GUCD1: variants seen among roughly 807,000 people sequenced by gnomAD.
GUCD1 encodes the protein guanylyl cyclase domain containing 1.
In GUCD1, 17 loss-of-function variants were observed where a neutral mutation model predicts 28.3. The ratio of observed to expected loss-of-function variants is 0.60; its 90% CI spans 0.41 to 0.90. The LOEUF (loss-of-function observed/expected upper bound fraction) is 0.90. Ranked by LOEUF, GUCD1 falls within the 40% of genes least tolerant of loss-of-function variation. GUCD1 has a pLI of 0.00. For synonymous variants in GUCD1, 129 were observed against 123.3 expected, an observed-to-expected ratio of 1.05 and a Z score of -0.30; for missense variants, 279 against 305.5, an observed-to-expected ratio of 0.91 and a Z score of 0.65.
At chr22:24,549,090 TAG>T (rs1200913269) in intron 1 of GUCD1, 89 bp from the exon 2 acceptor site, 63 of 892,226 alleles carry the variant, frequency 7.1e-5, no homozygotes, top group Middle Eastern at 3.1e-4. Context: ...GCCTCCTGCC[TAG>T]ACCCTGCAGG....
intron 1 of GUCD1, among the ~76,000 whole-genome samples, chr22:24,552,769 C>CA (rs765067330): frequency 0.02 from 2,173 of 110,792 alleles, 55 homozygotes; most frequent in African/African-American, 0.061. Context: ...GACTCCATCT[C>CA]AAAAAAAAAA....
In GUCD1 at chr22:24,548,076, G is replaced by C; in HGVS notation, c.129-3C>G. The C allele has an allele frequency of 6.2e-7, 1 of 1,613,334 alleles. No homozygotes were observed. The highest frequency in any genetic ancestry group is 8.5e-7 in the Non-Finnish European group (1 of 1,179,634). On this transcript the variant is annotated splice_region_variant and splice_polypyrimidine_tract_variant and intron_variant, in intron 2 of 5. Coordinates refer to ENST00000435822, the MANE Select transcript of GUCD1 (RefSeq NM_001284254.2). ...TGTCGTCCAGCTGGCCCAGGTACCT[G>C]CAGGTAGACGAGCTGGGGAGCTCAG... is the stretch of plus-strand genomic sequence containing the variant.
At chr22:24,555,576 C>G (rs1273949913), upstream of GUCD1, 1 of 1,545,488 alleles carries the variant, frequency 6.5e-7, no homozygotes, top group African/African-American at 1.4e-5. Flanking sequence ...CTAACTTTAT[C>G]CGTACCAGAT....
chr22:24,554,899 G>A (rs1375911240), intron 1 of GUCD1, 50 bp downstream of exon 1: 2 of 1,423,616 alleles, frequency 1.4e-6, no homozygotes, highest in South Asian at 2.3e-5. Context: ...GCTAGGGAGG[G>A]GTCCCTTTCG....
rs186763911 is a variant in GUCD1, at chr22:24,541,943, C to T, written c.*1063G>A. 6.6e-6 allele frequency: 1 copy of T among 152,398 alleles called. No homozygotes were observed. Among genetic ancestry groups the T allele is most frequent in the Admixed American group, 6.5e-5 (1 of 15,306 alleles). The allele number at this position is 152,398 out of a possible 1,614,324, so 9.4% of individuals were successfully genotyped here. A position where few individuals can be genotyped will look rare whatever the true frequency, so the allele number is the denominator to read the frequency against. On this transcript the variant is annotated 3_prime_UTR_variant, in exon 6 of 6. Transcript: ENST00000435822. ...AACTTAAATCTCAAAGAAACAACCC[C>T]TGACCCCAACCTCCCCAAAAAAGAG...
Position 24,546,897 on chromosome 22 carries a change from A to C in GUCD1, c.386+17T>G. 1 of 1,610,024 alleles carries C rather than the reference A, an allele frequency of 6.2e-7. No homozygotes were observed. ...AGGCATGAGAGGAAGGGCAGGTAGG[A>C]AAGTTGGGGGGCTCACCATTTCTCC... On this transcript the variant is annotated intron_variant, in intron 4 of 5. Transcript: ENST00000435822.
rs1259463325 is a variant in GUCD1, at chr22:24,555,129, G to A, written c.-138C>T. On this transcript the variant is annotated 5_prime_UTR_variant, in exon 1 of 6. Transcript: ENST00000435822. ...CGCCGCTGCGGAGGAGAGAACGGGA[G>A]GCGGCGGCTGGGCCGCCCCAAGCGC... The A allele has an allele frequency of 3.8e-6, 5 of 1,304,296 alleles. No individual in the cohort carries two copies. Among genetic ancestry groups the A allele is most frequent in the Middle Eastern group, 2.9e-4 (1 of 3,428 alleles). 80.8% of individuals were successfully genotyped at this position (1,304,296 alleles called of 1,614,324 possible).
At chr22:24,543,339 C>T (rs1259370326) in intron 5 of GUCD1, among the ~76,000 whole-genome samples, 3 of 152,182 alleles carry the variant, frequency 2.0e-5, no homozygotes, top group Non-Finnish European at 4.4e-5. Flanking sequence ...AAACGTGCTC[C>T]AGGCCACATA....
At chr22:24,552,695 G>A (rs1304898662) in intron 1 of GUCD1, among the ~76,000 whole-genome samples, 1 of 151,934 alleles carries the variant, frequency 6.6e-6, no homozygotes, top group Non-Finnish European at 1.5e-5. Flanking sequence ...GCTTGAACCT[G>A]GGAGGCGGAG....
In GUCD1 at chr22:24,543,092, A is replaced by G; in HGVS notation, c.634T>C (p.Cys212Arg). 6.2e-7 allele frequency: 1 copy of G among 1,613,554 alleles called. No individual in the cohort carries two copies. Among genetic ancestry groups the G allele is most frequent in the Non-Finnish European group, 8.5e-7 (1 of 1,179,536 alleles). The change falls in exon 6 of 6, where the codon TGC (cysteine) becomes CGC (arginine). Residue 212 changes from cysteine to arginine, a missense_variant. Coordinates refer to ENST00000435822, the MANE Select transcript of GUCD1 (RefSeq NM_001284254.2). Reference sequence around the variant, plus strand: ...TCAAAGTTACTGATGCTGGTGCTGCACATTCCTGCTGGGGGTGGGGAAGGC... The same window carrying G: ...TCAAAGTTACTGATGCTGGTGCTGCGCATTCCTGCTGGGGGTGGGGAAGGC... ...YNNPAYADRM[C>R]STSISNFEEA...
intron 1 of GUCD1, among the ~76,000 whole-genome samples, chr22:24,554,110 C>T (rs1329140538): frequency 6.6e-6 from 1 of 152,200 alleles, no homozygotes; most frequent in Non-Finnish European, 1.5e-5. Flanking sequence ...TTCACTGGTT[C>T]GTTATGAGGA....
chr22:24,555,439 G>T (rs943105543), upstream of GUCD1: 2 of 1,153,938 alleles, frequency 1.7e-6, no homozygotes, highest in Non-Finnish European at 2.4e-6. Flanking sequence ...CCTCTGCCGG[G>T]TCCCGCTCTT....
intron 3 of GUCD1, 140 bp from the exon 4 acceptor site, chr22:24,547,145 A>C: frequency 1.5e-6 from 1 of 668,052 alleles, no homozygotes; most frequent in Admixed American, 2.2e-5. Context: ...CAGACGGTAC[A>C]TGCAGCAAGC....
Position 24,547,980 on chromosome 22 carries a change from CA to C in GUCD1, c.221del (p.Leu74ArgfsTer7). On this transcript the variant is annotated frameshift_variant, in exon 3 of 6. Transcript: ENST00000435822. LOFTEE classifies it high-confidence loss of function. ...RSIWTIDLAY[L>X]MHHFGVRHRF... Reference sequence around the variant, plus strand: ...GGTGCCTCACGCCAAAGTGGTGCATCAGGTAGGCCAGGTCGATGGTCCAGAT... The same window carrying C: ...GGTGCCTCACGCCAAAGTGGTGCATCGGTAGGCCAGGTCGATGGTCCAGAT... The C allele has an allele frequency of 6.2e-7, 1 of 1,614,196 alleles. No homozygotes were observed. The highest frequency in any genetic ancestry group is 1.1e-5 in the South Asian group (1 of 91,092).
At position 24,543,869 on chromosome 22, in the gene GUCD1, A is replaced by AG; in HGVS notation, c.600dup (p.Phe201LeufsTer18). ...TCGGCATAGGCTGGGTTGTTGTAGAAGATGCAGCCAGTGGCCCGGTTGTAG... is the reference window on the plus strand; with the variant it reads ...TCGGCATAGGCTGGGTTGTTGTAGAAGGATGCAGCCAGTGGCCCGGTTGTAG... On this transcript the variant is annotated frameshift_variant, in exon 5 of 6. Coordinates refer to ENST00000435822, the MANE Select transcript of GUCD1 (RefSeq NM_001284254.2). LOFTEE classifies it high-confidence loss of function. 1 of 1,613,986 alleles carries AG rather than the reference A, an allele frequency of 6.2e-7. No individual in the cohort carries two copies. Among genetic ancestry groups the AG allele is most frequent in the Non-Finnish European group, 8.5e-7 (1 of 1,179,952 alleles).
intron 1 of GUCD1, among the ~76,000 whole-genome samples, chr22:24,550,415 G>A (rs1477723549): frequency 6.6e-6 from 1 of 152,212 alleles, no homozygotes; most frequent in African/African-American, 2.4e-5. Context: ...GCCCTGAGGT[G>A]GGGCAAATGG....
chr22:24,555,261 C>T (rs1569021030), upstream of GUCD1: 1 of 1,357,760 alleles, frequency 7.4e-7, no homozygotes, highest in South Asian at 2.0e-5. Flanking sequence ...AAGTCTGCTC[C>T]GGCCATTCGC....
intron 1 of GUCD1, among the ~76,000 whole-genome samples, chr22:24,553,499 G>A (rs2044938532): frequency 1.3e-5 from 2 of 152,294 alleles, no homozygotes; most frequent in South Asian, 2.1e-4. Context: ...AATGGAAGGC[G>A]TTTTCCAAAA....
In GUCD1 at chr22:24,547,944, G is replaced by C. The variant is rs781374465; in HGVS notation, c.258C>G (p.Thr86=). 1.2e-6 allele frequency: 2 copies of C among 1,614,186 alleles called. No individual in the cohort carries two copies. The highest frequency in any genetic ancestry group is 2.2e-5 in the South Asian group (2 of 91,090). Reference sequence around the variant, plus strand: ...AGCCCTTGTCGACACCCAGGGTCTGGGTACAGAAGCGGTGCCTCACGCCAA... The same window carrying C: ...AGCCCTTGTCGACACCCAGGGTCTGCGTACAGAAGCGGTGCCTCACGCCAA... ...HHFGVRHRFC[T]QTLGVDKGYK... The change falls in exon 3 of 6, where the codon ACC becomes ACG. Residue 86 remains threonine, a synonymous_variant. Transcript: ENST00000435822.
Sources: allele counts gnomAD v4.1 joint callset (sites outside exome capture counted in the v4.1 genomes callset), GRCh38; gene constraint gnomAD v4.1.1; transcripts MANE v1.5; gene names NCBI Gene and HGNC (gene_info 2026-07-23, HGNC 2026-07-21).